Variants in CACNA2D3 observed in about 807,000 individuals in gnomAD.
CACNA2D3 encodes the protein voltage-dependent calcium channel subunit alpha-2/delta-3.
CACNA2D3 carries 60 observed loss-of-function variants against 160.6 expected under a neutral mutation model. The ratio of observed to expected loss-of-function variants is 0.37; its 90% confidence interval spans 0.30 to 0.46. CACNA2D3 has a LOEUF of 0.46. CACNA2D3 is among the 20% of genes least tolerant of loss of function. The pLI is 1.00. For missense variants in CACNA2D3, 1,205 were observed against 1,365.0 expected, an observed-to-expected ratio of 0.88 and a Z score of 1.85; for synonymous variants, 558 against 492.9, an observed-to-expected ratio of 1.13 and a Z score of -1.75.
chr3:54,978,313 A>G (rs1206663363), intron 29 of CACNA2D3, among the ~76,000 whole-genome samples: 4 of 152,080 alleles, frequency 2.6e-5, no homozygotes, highest in Non-Finnish European at 4.4e-5. Context: ...TTTATAAGAA[A>G]ACCCTTAATC....
intron 3 of CACNA2D3, among the ~76,000 whole-genome samples, chr3:54,330,557 T>C (rs1426208220): frequency 2.0e-5 from 3 of 152,204 alleles, no homozygotes; most frequent in African/African-American, 7.2e-5. Flanking sequence ...ATTTGACTAA[T>C]GCAGGAGTTG....
At chr3:54,954,838 T>C (rs9840656) in intron 27 of CACNA2D3, among the ~76,000 whole-genome samples, 5,177 of 152,262 alleles carry the variant, frequency 0.034, 284 homozygotes, top group African/African-American at 0.12. Context: ...CCAGGAATCT[T>C]CAGAAAGAAG....
At chr3:54,941,941 G>A (rs890064314) in intron 27 of CACNA2D3, among the ~76,000 whole-genome samples, 5 of 152,152 alleles carry the variant, frequency 3.3e-5, no homozygotes, top group Admixed American at 3.3e-4. Flanking sequence ...TCGTGAAATG[G>A]CAATGACAGC....
intron 4 of CACNA2D3, among the ~76,000 whole-genome samples, chr3:54,455,964 A>G (rs1362613384): frequency 6.6e-6 from 1 of 151,780 alleles, no homozygotes; most frequent in Non-Finnish European, 1.5e-5. Flanking sequence ...ACTATGTTAT[A>G]TTTTGAAGTC....
chr3:54,976,097 T>C (rs1275120994), intron 29 of CACNA2D3, among the ~76,000 whole-genome samples: 1 of 147,562 alleles, frequency 6.8e-6, no homozygotes, highest in Non-Finnish European at 1.5e-5. Context: ...ACACACATTA[T>C]ATAAAGGGAT....
intron 13 of CACNA2D3, among the ~76,000 whole-genome samples, chr3:54,814,838 C>G (rs546382478): frequency 1.7e-4 from 26 of 152,276 alleles, no homozygotes; most frequent in African/African-American, 6.0e-4. Context: ...AAGGACAGCT[C>G]TCCTGTCAGA....
At chr3:54,442,806 A>G (rs964068694) in intron 4 of CACNA2D3, among the ~76,000 whole-genome samples, 10 of 152,122 alleles carry the variant, frequency 6.6e-5, no homozygotes, top group African/African-American at 2.2e-4. Context: ...TATGTACAGC[A>G]CTCAGCCAGG....
intron 23 of CACNA2D3, among the ~76,000 whole-genome samples, chr3:54,887,148 G>A (rs766041543): frequency 1.3e-5 from 2 of 152,052 alleles, no homozygotes; most frequent in African/African-American, 2.4e-5. Flanking sequence ...ATTCTTGGCC[G>A]AGCGTGGTGG....
At chr3:54,693,091 C>A (rs1284980378) in intron 11 of CACNA2D3, among the ~76,000 whole-genome samples, 2 of 152,036 alleles carry the variant, frequency 1.3e-5, no homozygotes, top group African/African-American at 4.8e-5. Flanking sequence ...TAACACAAAG[C>A]TGCAGGTTTT....
intron 27 of CACNA2D3, among the ~76,000 whole-genome samples, chr3:54,913,319 A>T (rs992878801): frequency 7.2e-5 from 11 of 152,062 alleles, no homozygotes; most frequent in African/African-American, 2.7e-4. Flanking sequence ...TAGATAGTAG[A>T]TATTCCTCCT....
At chr3:54,996,301 C>G (rs1702857947) in intron 31 of CACNA2D3, among the ~76,000 whole-genome samples, 1 of 152,184 alleles carries the variant, frequency 6.6e-6, no homozygotes, top group Non-Finnish European at 1.5e-5. Flanking sequence ...TCTAAGGAGA[C>G]AAAAGAAATT....
intron 3 of CACNA2D3, among the ~76,000 whole-genome samples, chr3:54,336,958 G>C (rs890864761): frequency 6.6e-6 from 1 of 152,194 alleles, no homozygotes; most frequent in Non-Finnish European, 1.5e-5. Context: ...AATAAGAGTA[G>C]AGGTCAGGGC....
chr3:54,853,932 G>A (rs1250148799), intron 17 of CACNA2D3, among the ~76,000 whole-genome samples: 2 of 152,012 alleles, frequency 1.3e-5, no homozygotes, highest in Admixed American at 6.5e-5. Context: ...CCCAAATGCA[G>A]GGATCTGTTG....
rs1192649104 is a variant in CACNA2D3 at position 54,505,333 on chromosome 3, A to G, written c.544+1679A>G. On this transcript the variant is annotated intron_variant, in intron 5 of 37. Coordinates refer to ENST00000474759, the MANE Select transcript of CACNA2D3 (RefSeq NM_018398.3). The stretch of plus-strand genomic sequence containing the variant: ...ACAGCCAGGGGACAGTGGGAGTGCC[A>G]AGGATGGGACCTGTCTACTTCTTCA... Among the ~76,000 whole-genome samples the G allele has an allele frequency of 2.0e-5, 3 of 152,326 alleles. No homozygotes were observed. In the East Asian group the frequency reaches 5.8e-4, roughly 29 times the overall value.
chr3:54,990,670 T>TTTGCTGCCTCTCTTGGTCAC (rs1702719315), intron 31 of CACNA2D3, among the ~76,000 whole-genome samples: 2 of 151,958 alleles, frequency 1.3e-5, no homozygotes, highest in African/African-American at 4.8e-5. Context: ...GTCTTGGTCA[T>TTTGCTGCCTCTCTTGGTCAC]TTTGCTGCCT....
intron 25 of CACNA2D3, among the ~76,000 whole-genome samples, chr3:54,893,892 C>A (rs1469715167): frequency 6.6e-6 from 1 of 152,068 alleles, no homozygotes; most frequent in African/African-American, 2.4e-5. Context: ...GACCACTTTA[C>A]CCCTGCCCTT....
At chr3:54,849,721 A>C (rs974481188) in intron 17 of CACNA2D3, among the ~76,000 whole-genome samples, 27 of 152,158 alleles carry the variant, frequency 1.8e-4, no homozygotes, top group Admixed American at 5.2e-4. Context: ...AGTTCTGGCC[A>C]AGGCTGCCAG....
intron 11 of CACNA2D3, among the ~76,000 whole-genome samples, chr3:54,739,326 G>T (rs537054723): frequency 6.0e-4 from 90 of 151,198 alleles, no homozygotes; most frequent in Non-Finnish European, 1.1e-3. Flanking sequence ...AGGCCGAAGC[G>T]GGAGAATTGC....
intron 27 of CACNA2D3, among the ~76,000 whole-genome samples, chr3:54,909,899 G>T (rs1700522236): frequency 6.6e-6 from 1 of 152,088 alleles, no homozygotes. Context: ...GAAGCCAAAA[G>T]ATTGGACATC....
Sources: allele counts gnomAD v4.1 joint callset (sites outside exome capture counted in the v4.1 genomes callset), GRCh38; gene constraint gnomAD v4.1.1; transcripts MANE v1.5; gene names NCBI Gene and HGNC (gene_info 2026-07-23, HGNC 2026-07-21).